The following TPP2 variants were observed in gnomAD, a reference collection of about 807,000 sequenced individuals.
TPP2 encodes tripeptidyl-peptidase 2.
TPP2 carries 34 observed loss-of-function variants against 155.9 expected under a neutral mutation model. The observed-to-expected ratio is 0.22, with a 90% CI of 0.17 to 0.29. TPP2 has a LOEUF of 0.29. Ranked by LOEUF, TPP2 falls within the 10% of genes least tolerant of loss-of-function variation. TPP2 has a pLI of 1.00. For missense variants in TPP2, 1,028 were observed against 1,522.3 expected, an observed-to-expected ratio of 0.68 and a Z score of 5.40; for synonymous variants, 510 against 529.4, an observed-to-expected ratio of 0.96 and a Z score of 0.50.
chr13:102,614,914 A>T (rs186212934), intron 3 of TPP2, among the ~76,000 whole-genome samples: 3 of 152,310 alleles, frequency 2.0e-5, no homozygotes, highest in East Asian at 3.9e-4. Flanking sequence ...TTAAAATTTA[A>T]GTTTAAATAG....
At position 102,627,168 on chromosome 13, in the gene TPP2, T is replaced by G. The variant is rs1393526934; in HGVS notation, c.939+2T>G. ...ACAGGCACAGGCCTCATAAGAGCTGTGAGTGTTTGTGAGTTGTTGATTCAG... is the reference window on the plus strand; with the variant it reads ...ACAGGCACAGGCCTCATAAGAGCTGGGAGTGTTTGTGAGTTGTTGATTCAG... On this transcript the variant is annotated splice_donor_variant, in intron 7 of 29. Transcript: ENST00000376052. LOFTEE classifies it high-confidence loss of function. 1.3e-6 allele frequency: 2 copies of G among 1,559,750 alleles called. No individual in the cohort carries two copies. The highest frequency in any genetic ancestry group is 1.7e-6 in the Non-Finnish European group (2 of 1,156,150).
chr13:102,603,680 A>G (rs1879602637), intron 1 of TPP2, among the ~76,000 whole-genome samples: 1 of 152,156 alleles, frequency 6.6e-6, no homozygotes, highest in African/African-American at 2.4e-5. Flanking sequence ...GAATACATTG[A>G]TGGGCTTAAA....
At chr13:102,618,635 G>T in intron 4 of TPP2, 87 bp from the exon 5 acceptor site, 2 of 1,481,740 alleles carry the variant, frequency 1.3e-6, no homozygotes, top group Non-Finnish European at 9.0e-7. Context: ...TTTTACTATG[G>T]ATTAACATTG....
At position 102,634,019 on chromosome 13, in the gene TPP2, A is replaced by G. The variant is rs1324354266; in HGVS notation, c.1314A>G (p.Thr438=). The G allele has an allele frequency of 1.9e-6, 3 of 1,613,978 alleles. No individual in the cohort carries two copies. The highest frequency in any genetic ancestry group is 1.7e-5 in the Admixed American group (1 of 59,988). Residue 438 remains threonine (T), a synonymous_variant, in exon 11 of 30, where the codon ACA becomes ACG. Coordinates refer to ENST00000376052, the MANE Select transcript of TPP2 (RefSeq NM_001330588.2). The part of the protein sequence containing the change: ...GGAIASVPNW[T]LRGTQLMNGT... ...CCATTGCTTCTGTTCCTAACTGGAC[A>G]CTGAGAGGGACGCAGCTGATGAATG...
At chr13:102,630,274 A>G in intron 10 of TPP2, 79 bp downstream of exon 10, 2 of 1,064,840 alleles carry the variant, frequency 1.9e-6, no homozygotes, top group Middle Eastern at 2.2e-4. Flanking sequence ...AGTTTTAGAT[A>G]AGTTTGCTAG....
At position 102,678,393 on chromosome 13, in the gene TPP2, T is replaced by G. The variant is rs1885422562; in HGVS notation, c.*77T>G. ...GTATAAAAACAAATTTGTGGCATTT[T>G]TAGTCTAATGCATGTTTTCATCCAC... On this transcript the variant is annotated 3_prime_UTR_variant, in exon 30 of 30. Transcript: ENST00000376052. 7.9e-7 allele frequency: 1 copy of G among 1,258,434 alleles called. No homozygotes were observed. Among genetic ancestry groups the G allele is most frequent in the African/African-American group, 1.5e-5 (1 of 66,382 alleles). The allele number at this position is 1,258,434 out of a possible 1,614,324, so 78.0% of individuals were successfully genotyped here. A position where few individuals can be genotyped will look rare whatever the true frequency, so the allele number is the denominator to read the frequency against.
chr13:102,656,600 C>T (rs1164908747), intron 24 of TPP2, among the ~76,000 whole-genome samples: 3 of 152,098 alleles, frequency 2.0e-5, no homozygotes, highest in Admixed American at 6.6e-5. Context: ...TGGCACATCG[C>T]GGGGACTCAG....
At chr13:102,663,565 C>T in intron 25 of TPP2, 83 bp from the exon 26 acceptor site, 2 of 973,934 alleles carry the variant, frequency 2.1e-6, no homozygotes, top group Non-Finnish European at 2.9e-6. Context: ...GCTTAAACTT[C>T]CAAACAATGT....
At chr13:102,651,851 C>T (rs938796582) in intron 24 of TPP2, among the ~76,000 whole-genome samples, 3 of 151,838 alleles carry the variant, frequency 2.0e-5, no homozygotes, top group Non-Finnish European at 4.4e-5. Flanking sequence ...GAACTTTATT[C>T]CCTGCTCTTG....
chr13:102,656,822 A>C (rs1883888645), intron 24 of TPP2, among the ~76,000 whole-genome samples: 1 of 152,216 alleles, frequency 6.6e-6, no homozygotes, highest in Admixed American at 6.5e-5. Context: ...GTATGTTCTT[A>C]TCTCTTTTAT....
Position 102,614,205 on chromosome 13 carries a change from C to T in TPP2, c.390+9C>T. 1.3e-6 allele frequency: 2 copies of T among 1,587,896 alleles called. No homozygotes were observed. The highest frequency in any genetic ancestry group is 2.3e-5 in the East Asian group (1 of 44,234). On this transcript the variant is annotated intron_variant, in intron 3 of 29. Transcript: ENST00000376052. Reference sequence around the variant, plus strand: ...TCAAGGAAAGGATACAGGTAATGTACAATCTGGTACCAATGAGTTGTATTC... The same window carrying T: ...TCAAGGAAAGGATACAGGTAATGTATAATCTGGTACCAATGAGTTGTATTC...
chr13:102,620,820 A>G (rs935798380), intron 5 of TPP2, among the ~76,000 whole-genome samples: 21 of 152,240 alleles, frequency 1.4e-4, no homozygotes, highest in Admixed American at 1.2e-3. Context: ...GATTACATAA[A>G]GGAGAAGCTA....
At chr13:102,645,575 A>T (rs187171912) in intron 19 of TPP2, among the ~76,000 whole-genome samples, 2 of 152,360 alleles carry the variant, frequency 1.3e-5, no homozygotes, top group East Asian at 3.9e-4. Context: ...ATAGTCAGTG[A>T]CACGGTGATG....
At chr13:102,613,117 G>A (rs1293465340) in intron 2 of TPP2, among the ~76,000 whole-genome samples, 1 of 152,194 alleles carries the variant, frequency 6.6e-6, no homozygotes, top group African/African-American at 2.4e-5. Context: ...GTATGCCAGC[G>A]TGTTTGAAAT....
intron 24 of TPP2, among the ~76,000 whole-genome samples, chr13:102,654,622 C>G (rs780295449): frequency 4.6e-5 from 7 of 152,132 alleles, no homozygotes; most frequent in Non-Finnish European, 1.0e-4. Context: ...GAGCAGCATA[C>G]CTCTCTCCCT....
intron 9 of TPP2, 104 bp downstream of exon 9, chr13:102,629,713 C>T (rs1881887614): frequency 2.1e-6 from 3 of 1,396,570 alleles, no homozygotes; most frequent in Non-Finnish European, 2.8e-6. Flanking sequence ...AGACACTGTA[C>T]ACCTTAAGTG....
chr13:102,617,834 G>A (rs1287298439), intron 4 of TPP2, among the ~76,000 whole-genome samples: 2 of 152,196 alleles, frequency 1.3e-5, no homozygotes, highest in African/African-American at 4.8e-5. Flanking sequence ...GAAAACCTAG[G>A]CAATATGTAA....
intron 25 of TPP2, among the ~76,000 whole-genome samples, chr13:102,658,656 C>G (rs1884007925): frequency 6.6e-6 from 1 of 152,188 alleles, no homozygotes; most frequent in Non-Finnish European, 1.5e-5. Context: ...ATAAGAAAAG[C>G]AAGAGTCTGT....
In TPP2 at chr13:102,643,287, G is replaced by T. The variant is rs1306921151; in HGVS notation, c.2086G>T (p.Val696Leu). Residue 696 changes from valine (V) to leucine (L), a missense_variant, in exon 17 of 30, where the codon GTG becomes TTG. Val to Leu is a conservative substitution (Grantham distance 32, BLOSUM62 1). Around this residue, in one of 7 missense-constraint regions of TPP2, gnomAD observed 325 missense variants for 463.7 expected, o/e 0.70. Coordinates refer to ENST00000376052, the MANE Select transcript of TPP2 (RefSeq NM_001330588.2). ...AKFVLHAVQLVKQRAYRSHEF... is the reference protein window; with the variant it reads ...AKFVLHAVQLLKQRAYRSHEF... ...GTTTGTTCTACATGCAGTCCAGCTT[G>T]TGAAGCAAAGAGCATATCGAAGCCA... is the stretch of plus-strand genomic sequence containing the variant. 6.2e-7 allele frequency: 1 copy of T among 1,612,542 alleles called. No individual in the cohort carries two copies. The highest frequency in any genetic ancestry group is 1.7e-5 in the Admixed American group (1 of 59,690).
Sources: gnomAD v4.1 joint callset for allele counts (sites outside exome capture counted in the v4.1 genomes callset) on GRCh38, gnomAD v4.1.1 for gene constraint, gnomAD v4.1.1 regional missense constraint, MANE v1.5 for transcripts, NCBI Gene and HGNC (gene_info 2026-07-23, HGNC 2026-07-21) for gene names.